KANK2: variants seen among roughly 807,000 people sequenced by gnomAD.
The protein encoded by KANK2 is KN motif and ankyrin repeat domain-containing protein 2.
In KANK2, 41 loss-of-function variants were observed where a neutral mutation model predicts 74.6. The ratio of observed to expected loss-of-function variants is 0.55; its 90% CI spans 0.43 to 0.71. KANK2 has a LOEUF of 0.71. Ranked by LOEUF, KANK2 falls within the 30% of genes least tolerant of loss-of-function variation. The pLI is 0.00. For missense variants in KANK2, 1,148 were observed against 1,196.4 expected, an observed-to-expected ratio of 0.96 and a Z score of 0.60; for synonymous variants, 537 against 519.0, an observed-to-expected ratio of 1.03 and a Z score of -0.47.
chr19:11,170,254 G>T lies in KANK2; in HGVS notation c.2212-6C>A. The T allele has an allele frequency of 6.2e-7, 1 of 1,608,378 alleles. No homozygotes were observed. Among genetic ancestry groups the T allele is most frequent in the Non-Finnish European group, 8.5e-7 (1 of 1,179,814 alleles). ...ATCAGGGCCGTCTGTCCTGCCTGGG[G>T]AGGGCAAGGAACAGGATTATGGTTC... On this transcript the variant is annotated splice_region_variant and splice_polypyrimidine_tract_variant and intron_variant, in intron 10 of 12. Coordinates refer to ENST00000586659, the MANE Select transcript of KANK2 (RefSeq NM_001136191.3). The surrounding 1 kb of genome is among the most constrained non-coding windows in gnomAD (Gnocchi z 5.2).
chr19:11,172,834 C>T, intron 10 of KANK2, 147 bp downstream of exon 10: 1 of 798,708 alleles, frequency 1.3e-6, no homozygotes, highest in Non-Finnish European at 2.0e-6. Context: ...CTTCTAGTTT[C>T]CACAAGAAGG....
At chr19:11,188,713 G>A (rs576592371) in intron 4 of KANK2, among the ~76,000 whole-genome samples, 7 of 151,614 alleles carry the variant, frequency 4.6e-5, no homozygotes, top group South Asian at 4.2e-4. Context: ...GGTGGGTGCC[G>A]TGGCTCATGC....
Position 11,175,914 on chromosome 19 carries a change from T to A in KANK2, c.1836A>T (p.Thr612=), listed in dbSNP as rs775442350. ...GGCCAGATCGTACCAGCTCCCGCTCTGTGAGGGCGTTGGGATTGTCCAGGT... is the reference window on the plus strand; with the variant it reads ...GGCCAGATCGTACCAGCTCCCGCTCAGTGAGGGCGTTGGGATTGTCCAGGT... ...EKYLDNPNAL[T]ERELKVAYTT... is the part of the protein sequence containing the mutation. The change falls in exon 8 of 13, where the codon ACA becomes ACT. Residue 612 remains threonine (T), a synonymous_variant. Coordinates refer to ENST00000586659, the MANE Select transcript of KANK2 (RefSeq NM_001136191.3). 1.9e-6 allele frequency: 3 copies of A among 1,613,610 alleles called. No individual in the cohort carries two copies. The Admixed American group carries it at 5.0e-5, about 27-fold the overall frequency.
rs1480169645 is a variant in KANK2, at chr19:11,193,049, C to G, written c.1031G>C (p.Ser344Thr). Residue 344 changes from serine to threonine, a missense_variant, in exon 4 of 13, where the codon AGC (serine) becomes ACC (threonine). Physicochemically the swap from Ser to Thr is moderately conservative, Grantham distance 58. Coordinates refer to ENST00000586659, the MANE Select transcript of KANK2 (RefSeq NM_001136191.3). The surrounding 1 kb of genome is among the most constrained non-coding windows in gnomAD (Gnocchi z 9.6). ...CTGTGCGGGGGCGCCAGCGGCTGTG[C>G]TGGCCACCACCTCCACCTCCCGTGG... ...EGPREVEVVA[S>T]TAAGAPAQRA... 6.2e-7 allele frequency: 1 copy of G among 1,611,220 alleles called. No individual in the cohort carries two copies. The highest frequency in any genetic ancestry group is 8.5e-7 in the Non-Finnish European group (1 of 1,178,866).
chr19:11,167,880 G>A (rs1349453293), intron 12 of KANK2, among the ~76,000 whole-genome samples: 1 of 151,732 alleles, frequency 6.6e-6, no homozygotes, highest in African/African-American at 2.4e-5. Flanking sequence ...CCTTTGCACT[G>A]CTTGTTCCTG....
In KANK2 at chr19:11,193,243, A is replaced by C. The variant is rs2078908950; in HGVS notation, c.837T>G (p.Pro279=). The change falls in exon 4 of 13, where the codon CCT becomes CCG. Residue 279 remains proline, a synonymous_variant. Coordinates refer to ENST00000586659, the MANE Select transcript of KANK2 (RefSeq NM_001136191.3). This position sits in a 1 kb window ranked among gnomAD's most constrained non-coding sequence, Gnocchi z 9.6. ...TGGCGGCGAGGGCAGCCTCCCCATCAGGCATGCCCAAGTCCCGTTCTCGAA... is the reference window on the plus strand; with the variant it reads ...TGGCGGCGAGGGCAGCCTCCCCATCCGGCATGCCCAAGTCCCGTTCTCGAA... ...TWVRERDLGM[P]DGEAALAAKV... 1 of 1,609,958 alleles carries C rather than the reference A, an allele frequency of 6.2e-7. No homozygotes were observed. The highest frequency in any genetic ancestry group is 8.5e-7 in the Non-Finnish European group (1 of 1,179,736).
intron 4 of KANK2, among the ~76,000 whole-genome samples, chr19:11,184,065 GT>G (rs1160113263): frequency 1.8e-4 from 28 of 152,042 alleles, no homozygotes; most frequent in South Asian, 2.1e-4. Context: ...AAATATAATG[GT>G]TTTACCTATA....
At chr19:11,196,513 A>C (rs1435346945) in intron 1 of KANK2, 1 of 152,454 alleles carries the variant, frequency 6.6e-6, no homozygotes, top group Non-Finnish European at 1.5e-5. Flanking sequence ...ACATGAACCT[A>C]AGCCTGGTGG....
intron 4 of KANK2, among the ~76,000 whole-genome samples, chr19:11,185,956 G>C (rs979340654): frequency 4.6e-5 from 7 of 152,172 alleles, no homozygotes; most frequent in Non-Finnish European, 1.0e-4. Flanking sequence ...ACTTGAGCCC[G>C]AGAGGTTTAG....
At chr19:11,177,014 A>G (rs1434462812) in intron 6 of KANK2, among the ~76,000 whole-genome samples, 197 bp from the exon 7 acceptor site, 1 of 151,436 alleles carries the variant, frequency 6.6e-6, no homozygotes, top group African/African-American at 2.4e-5. Flanking sequence ...AAACATTAGC[A>G]GTGATTATGA....
rs2077973048 is a variant in KANK2 at position 11,164,395 on chromosome 19, G to GAT, written c.*2162_*2163insAT. The stretch of plus-strand genomic sequence containing the variant: ...ACCGTGATCAGAAAGTGAAATTAAA[G>GAT]CTCATGGATATGCGTGAGAAGAGAA... On this transcript the variant is annotated 3_prime_UTR_variant, in exon 13 of 13. Coordinates refer to ENST00000586659, the MANE Select transcript of KANK2 (RefSeq NM_001136191.3). 3.3e-5 allele frequency: 5 copies of GAT among 152,074 alleles called. No individual in the cohort carries two copies. Among genetic ancestry groups the GAT allele is most frequent in the Admixed American group, 3.3e-4 (5 of 15,244 alleles). 9.4% of individuals were successfully genotyped at this position (152,074 alleles called of 1,614,324 possible).
Position 11,176,617 on chromosome 19 carries a change from G to C in KANK2, c.1721C>G (p.Ala574Gly), listed in dbSNP as rs138010613. The C allele has an allele frequency of 2.8e-5, 45 of 1,609,156 alleles. No homozygotes were observed. The highest frequency in any genetic ancestry group is 3.4e-5 in the Admixed American group (2 of 59,004). Residue 574 changes from alanine (A) to glycine (G), a missense_variant, in exon 7 of 13, where the codon GCT becomes GGT. By Grantham distance (60) the Ala-to-Gly change is moderately conservative (BLOSUM62 0). Transcript: ENST00000586659. ...CGTGTTTGATCCTGATGCCCCCTCAGCAGTGGGTATGTGCTGAGATTCTCG... is the reference window on the plus strand; with the variant it reads ...CGTGTTTGATCCTGATGCCCCCTCACCAGTGGGTATGTGCTGAGATTCTCG... ...LSRESQHIPT[A>G]EGASGSNTEE...
intron 4 of KANK2, among the ~76,000 whole-genome samples, chr19:11,183,007 A>T (rs962254161): frequency 3.3e-5 from 5 of 152,162 alleles, no homozygotes; most frequent in Non-Finnish European, 5.9e-5. Context: ...AACAAGAAGT[A>T]ATAATAAAAT....
At chr19:11,196,149 C>A (rs1600829917) in intron 1 of KANK2, 1 of 153,062 alleles carries the variant, frequency 6.5e-6, no homozygotes. Flanking sequence ...ACCTCTGCCT[C>A]CCAGGTTCAA....
chr19:11,178,345 C>T lies in KANK2; in HGVS notation c.1520G>A (p.Gly507Glu), dbSNP rs1287634315. 6.6e-7 allele frequency: 1 copy of T among 1,511,302 alleles called. No individual in the cohort carries two copies. The highest frequency in any genetic ancestry group is 2.5e-5 in the East Asian group (1 of 39,374). The allele number at this position is 1,511,302 out of a possible 1,614,324, so 93.6% of individuals were successfully genotyped here. ...GGGGGGTGGGGTCTTCTCCTCTCAC[C>T]CGCCGTTGACCCCCACGAACTGGAG... ...RSLQFVGVNG[G>E]YESSSEDSST... Residue 507 changes from glycine to glutamate, a missense_variant and splice_region_variant, in exon 6 of 13, where the codon GGG becomes GAG. Physicochemically the swap from Gly to Glu is moderately conservative, Grantham distance 98. Transcript: ENST00000586659.
Position 11,184,904 on chromosome 19 carries a change from G to A in KANK2, c.1250-6184C>T, listed in dbSNP as rs764142567. Among the ~76,000 whole-genome samples the A allele has an allele frequency of 7.5e-5, 11 of 146,754 alleles. 1 individual carries two copies. The highest frequency in any genetic ancestry group is 1.2e-4 in the Non-Finnish European group (8 of 66,368). ...TCAGCTCACTAGCAACCTCTGCCTC[G>A]CGAGGTCAAGTGATTCTCCTGCCTC... On this transcript the variant is annotated intron_variant, in intron 4 of 12. Coordinates refer to ENST00000586659, the MANE Select transcript of KANK2 (RefSeq NM_001136191.3).
In KANK2 at chr19:11,193,390, A is replaced by G. The variant is rs1212334151; in HGVS notation, c.690T>C (p.Leu230=). The stretch of plus-strand genomic sequence containing the variant: ...GGTGGCCCAGGAACTTCTGGCTCTT[A>G]AGTTGTACTGTGAGCTGCCGCTTTT... ...QEEKRQLTVQ[L]KSQKFLGHPT... The change falls in exon 4 of 13, where the codon CTT becomes CTC. Residue 230 remains leucine (L), a synonymous_variant. Transcript: ENST00000586659. This position sits in a 1 kb window ranked among gnomAD's most constrained non-coding sequence, Gnocchi z 9.6. 6.2e-7 allele frequency: 1 copy of G among 1,612,616 alleles called. No individual in the cohort carries two copies. Among genetic ancestry groups the G allele is most frequent in the East Asian group, 2.2e-5 (1 of 44,868 alleles).
chr19:11,190,747 T>C (rs935327798), intron 4 of KANK2, among the ~76,000 whole-genome samples: 2 of 152,284 alleles, frequency 1.3e-5, no homozygotes, highest in South Asian at 4.1e-4. Context: ...ATTATTATTG[T>C]TGAGACACAG....
At chr19:11,190,580 TCTCCACCTCTCTAGAG>T (rs1568652184) in intron 4 of KANK2, among the ~76,000 whole-genome samples, 1 of 152,048 alleles carries the variant, frequency 6.6e-6, no homozygotes, top group Non-Finnish European at 1.5e-5. Flanking sequence ...ATTCATAAAT[TCTCCACCTCTCTAGAG>T]GTGGAGAGCA....
Sources: allele counts gnomAD v4.1 joint callset (sites outside exome capture counted in the v4.1 genomes callset), GRCh38; gene constraint gnomAD v4.1.1; non-coding constraint Gnocchi (gnomAD v3.1); transcripts MANE v1.5; gene names NCBI Gene and HGNC (gene_info 2026-07-23, HGNC 2026-07-21).